PCDH7: variants seen among roughly 807,000 people sequenced by gnomAD.
The protein encoded by PCDH7 is protocadherin 7.
A neutral mutation model predicts 58.9 loss-of-function variants in PCDH7; 17 were observed. The observed-to-expected ratio is 0.29, with a 90% CI of 0.20 to 0.43. The LOEUF is 0.43. Ranked by LOEUF, PCDH7 falls within the 20% of genes least tolerant of loss-of-function variation. PCDH7 has a pLI of 1.00. For missense variants in PCDH7, 1,274 were observed against 1,441.0 expected (o/e 0.88, Z 1.88); for synonymous variants, 664 against 616.4 (o/e 1.08, Z -1.14).
At chr4:31,017,690 G>T (rs1753725989) in intron 3 of PCDH7, among the ~76,000 whole-genome samples, 1 of 151,992 alleles carries the variant, frequency 6.6e-6, no homozygotes, top group East Asian at 1.9e-4. Context: ...TATTTGATTG[G>T]CTGTTGTAGT....
intron 1 of PCDH7, chr4:30,725,363 A>G: frequency 1.2e-6 from 1 of 813,628 alleles, no homozygotes; most frequent in Non-Finnish European, 1.5e-6. Flanking sequence ...GAAAATATTC[A>G]TGATTGATGT....
chr4:30,818,849 G>A (rs1728011948), intron 1 of PCDH7, among the ~76,000 whole-genome samples: 1 of 152,080 alleles, frequency 6.6e-6, no homozygotes, highest in Admixed American at 6.6e-5. Context: ...ACTACTGGCA[G>A]GGAAGATTAC....
chr4:30,942,468 A>G (rs914105911), intron 2 of PCDH7, among the ~76,000 whole-genome samples: 1 of 152,040 alleles, frequency 6.6e-6, no homozygotes, highest in East Asian at 1.9e-4. Flanking sequence ...GAACTAAGGT[A>G]CATCAGTGGA....
chr4:31,005,086 T>A (rs981343131), intron 3 of PCDH7, among the ~76,000 whole-genome samples: 14 of 152,246 alleles, frequency 9.2e-5, no homozygotes, highest in African/African-American at 2.7e-4. Context: ...AAAGTGTAGT[T>A]AAGCGTATGT....
chr4:30,828,309 A>G (rs185949214), intron 1 of PCDH7, among the ~76,000 whole-genome samples: 1 of 152,196 alleles, frequency 6.6e-6, no homozygotes, highest in East Asian at 1.9e-4. Context: ...AACAAGAATA[A>G]ATACATAATA....
intron 3 of PCDH7, among the ~76,000 whole-genome samples, chr4:31,135,609 G>A (rs1343211725): frequency 2.0e-5 from 3 of 152,068 alleles, no homozygotes; most frequent in African/African-American, 7.2e-5. Flanking sequence ...TGAAACCCTT[G>A]GAGCCAGATA....
intron 1 of PCDH7, among the ~76,000 whole-genome samples, chr4:30,918,413 T>C (rs941632874): frequency 4.6e-5 from 7 of 152,052 alleles, no homozygotes; most frequent in Admixed American, 4.6e-4. Flanking sequence ...GATTTCTTTA[T>C]TTTTTTAAAT....
At chr4:30,966,407 C>T (rs1748998123) in intron 3 of PCDH7, among the ~76,000 whole-genome samples, 1 of 152,012 alleles carries the variant, frequency 6.6e-6, no homozygotes, top group Non-Finnish European at 1.5e-5. Flanking sequence ...GGATGGGTGT[C>T]ATTGTTTTGT....
intron 3 of PCDH7, among the ~76,000 whole-genome samples, chr4:31,036,370 G>T (rs905829466): frequency 2.0e-5 from 3 of 152,082 alleles, no homozygotes; most frequent in Non-Finnish European, 4.4e-5. Flanking sequence ...ATTTTTAGTA[G>T]AGACAGAGTT....
chr4:30,853,856 C>T (rs182092871), intron 1 of PCDH7, among the ~76,000 whole-genome samples: 8 of 152,078 alleles, frequency 5.3e-5, no homozygotes, highest in Admixed American at 5.3e-4. Context: ...AGTCTATTTT[C>T]CCTCTGAGTA....
intron 3 of PCDH7, among the ~76,000 whole-genome samples, chr4:31,124,227 T>C (rs1056275565): frequency 2.0e-5 from 3 of 152,182 alleles, no homozygotes; most frequent in African/African-American, 7.2e-5. Flanking sequence ...TCAGTAGTGA[T>C]AACAGCAGAG....
chr4:30,777,867 T>G, intron 1 of PCDH7, among the ~76,000 whole-genome samples: 1 of 152,174 alleles, frequency 6.6e-6, no homozygotes, highest in East Asian at 1.9e-4. Context: ...CATTCTAGTA[T>G]ACATTTAAAA....
chr4:30,961,526 T>C (rs1748437204), intron 3 of PCDH7, among the ~76,000 whole-genome samples: 1 of 151,870 alleles, frequency 6.6e-6, no homozygotes. Flanking sequence ...CACTCCAGCC[T>C]GGGCAACAGA....
intron 3 of PCDH7, among the ~76,000 whole-genome samples, chr4:31,040,513 C>T (rs997483776): frequency 1.3e-5 from 2 of 152,138 alleles, no homozygotes; most frequent in African/African-American, 4.8e-5. Context: ...TTAGTTCAAA[C>T]TAATATGTTG....
At chr4:30,753,446 G>A (rs777389997) in intron 1 of PCDH7, among the ~76,000 whole-genome samples, 17 of 152,176 alleles carry the variant, frequency 1.1e-4, no homozygotes, top group Non-Finnish European at 2.1e-4. Context: ...TGCACATATT[G>A]CTTAGTTGAT....
intron 3 of PCDH7, among the ~76,000 whole-genome samples, chr4:31,083,553 C>T (rs1578750869): frequency 6.6e-6 from 1 of 152,128 alleles, no homozygotes; most frequent in South Asian, 2.1e-4. Context: ...AAACTAAGCT[C>T]ATTTTTCTTT....
At chr4:30,786,935 C>CA (rs1465563242) in intron 1 of PCDH7, 1 of 174,180 alleles carries the variant, frequency 5.7e-6, no homozygotes, top group African/African-American at 2.4e-5. Flanking sequence ...TTGAAGAAAA[C>CA]AAAAAAGGCT....
intron 1 of PCDH7, among the ~76,000 whole-genome samples, chr4:30,802,205 C>T (rs1725612014): frequency 6.6e-6 from 1 of 152,132 alleles, no homozygotes; most frequent in Non-Finnish European, 1.5e-5. Flanking sequence ...CAAAGCCAAA[C>T]TCCATCATTC....
intron 3 of PCDH7, among the ~76,000 whole-genome samples, chr4:30,950,873 T>G (rs960478410): frequency 3.3e-5 from 5 of 152,138 alleles, no homozygotes; most frequent in African/African-American, 1.2e-4. Flanking sequence ...GGGTGCTATA[T>G]TTTGAAAGGA....
Sources: allele counts gnomAD v4.1 joint callset (sites outside exome capture counted in the v4.1 genomes callset), GRCh38; gene constraint gnomAD v4.1.1; transcripts MANE v1.5; gene names NCBI Gene and HGNC (gene_info 2026-07-23, HGNC 2026-07-21).